The following GFM2 variants were observed in gnomAD, a reference collection of about 807,000 sequenced individuals.
The protein encoded by GFM2 is GTP dependent ribosome recycling factor mitochondrial 2, also known as ribosome-releasing factor 2, mitochondrial.
Under a neutral mutation model 95.4 loss-of-function variants are expected in GFM2, and 72 were observed. The ratio of observed to expected loss-of-function variants is 0.76; its 90% CI spans 0.62 to 0.92. The LOEUF (loss-of-function observed/expected upper bound fraction) is 0.92, where lower values mean the gene tolerates loss of function less well. Among genes scored for constraint, GFM2 ranks in the 40% least tolerant of loss-of-function variants. The pLI is 0.00. For missense variants in GFM2, 825 were observed against 924.1 expected, an observed-to-expected ratio of 0.89 and a Z score of 1.39; for synonymous variants, 276 against 317.5, an observed-to-expected ratio of 0.87 and a Z score of 1.39.
chr5:74,722,678 G>A lies in GFM2; in HGVS notation c.2029-117C>T, dbSNP rs964579316. The A allele has an allele frequency of 3.1e-5, 23 of 731,634 alleles. No individual in the cohort carries two copies. In the East Asian group the frequency reaches 4.2e-4, roughly 13 times the overall value. 45.3% of individuals were successfully genotyped at this position (731,634 alleles called of 1,614,324 possible). On this transcript the variant is annotated intron_variant, in intron 19 of 20. Coordinates refer to ENST00000296805, the MANE Select transcript of GFM2 (RefSeq NM_032380.5). ...CTTTAACTCTCTCTTTAAAGATAAC[G>A]TTTTATAAGATGGCAACAACTATAA...
intron 15 of GFM2, among the ~76,000 whole-genome samples, chr5:74,734,716 T>C (rs1742748540): frequency 6.6e-6 from 1 of 152,212 alleles, no homozygotes; most frequent in South Asian, 2.1e-4. Context: ...GATGTTAGCA[T>C]TGTAACAGGT....
intron 17 of GFM2, among the ~76,000 whole-genome samples, chr5:74,727,470 G>A (rs1345805998): frequency 3.3e-5 from 5 of 151,932 alleles, no homozygotes; most frequent in South Asian, 2.1e-4. Context: ...ACTATTTTCC[G>A]ACTCCAGCCC....
chr5:74,732,889 GAA>G (rs1451154087), intron 16 of GFM2, 131 bp downstream of exon 16: 1 of 463,748 alleles, frequency 2.2e-6, no homozygotes, highest in Non-Finnish European at 3.8e-6. Flanking sequence ...AATTTAAAAA[GAA>G]AGGTTTTTCT....
chr5:74,741,491 G>C lies in GFM2; in HGVS notation c.930+38C>G, dbSNP rs775321450. 12 of 991,232 alleles carry C rather than the reference G, an allele frequency of 1.2e-5. No homozygotes were observed. In the South Asian group the frequency reaches 1.7e-4, roughly 14 times the overall value. The allele number at this position is 991,232 out of a possible 1,614,324, so 61.4% of individuals were successfully genotyped here. A position where few individuals can be genotyped will look rare whatever the true frequency, so the allele number is the denominator to read the frequency against. On this transcript the variant is annotated intron_variant, in intron 11 of 20. Coordinates refer to ENST00000296805, the MANE Select transcript of GFM2 (RefSeq NM_032380.5). ...AGAGAAATCAAACTACATCCAATTA[G>C]TAAAATTTTGTGAAAGCCATTGAAT...
In GFM2 at chr5:74,766,991, A is replaced by C. The variant is rs1294604246; in HGVS notation, c.-78T>G. ...GCTCTCACCGCTGGGCTCTTGAAGC[A>C]GGAGGCGCGAGCCGCGCCAAAGTCT... On this transcript the variant is annotated 5_prime_UTR_variant, in exon 1 of 21. Transcript: ENST00000296805. 1 of 226,754 alleles carries C rather than the reference A, an allele frequency of 4.4e-6. No individual in the cohort carries two copies. Among genetic ancestry groups the C allele is most frequent in the Non-Finnish European group, 9.0e-6 (1 of 110,924 alleles). The allele number at this position is 226,754 out of a possible 1,614,324, so 14.0% of individuals were successfully genotyped here.
intron 1 of GFM2, among the ~76,000 whole-genome samples, chr5:74,764,810 G>C (rs1744468600): frequency 8.6e-6 from 1 of 115,910 alleles, no homozygotes; most frequent in African/African-American, 3.7e-5. Flanking sequence ...TTTTGAGACA[G>C]GGTCTTGCCC....
chr5:74,761,977 T>G (rs2112369871), intron 2 of GFM2, among the ~76,000 whole-genome samples: 1 of 152,332 alleles, frequency 6.6e-6, no homozygotes, highest in African/African-American at 2.4e-5. Flanking sequence ...TTCCACTGCA[T>G]AATGACTAGG....
chr5:74,722,789 G>A (rs1749972736), intron 19 of GFM2: 1 of 411,358 alleles, frequency 2.4e-6, no homozygotes, highest in Admixed American at 4.2e-5. Flanking sequence ...AAAAATGCCT[G>A]TGAACATGTG....
At chr5:74,747,918 T>C (rs182440817) in intron 7 of GFM2, 138 bp from the exon 8 acceptor site, 147 of 573,642 alleles carry the variant, frequency 2.6e-4, no homozygotes, top group Non-Finnish European at 5.0e-5. Context: ...ACTGCACTTA[T>C]ATTTTTAGGG....
rs368096438 is a variant in GFM2, at chr5:74,738,302, T to C, written c.1320+16A>G. 91 of 1,578,108 alleles carry C rather than the reference T, an allele frequency of 5.8e-5. No homozygotes were observed. The highest frequency in any genetic ancestry group is 7.4e-5 in the Non-Finnish European group (86 of 1,156,074). On this transcript the variant is annotated intron_variant, in intron 14 of 20. Coordinates refer to ENST00000296805, the MANE Select transcript of GFM2 (RefSeq NM_032380.5). ...TTTAAGCTGTTATTTCCTAGAGAAATCATTTGGTCACTTACATGTTTAAGC... is the reference window on the plus strand; with the variant it reads ...TTTAAGCTGTTATTTCCTAGAGAAACCATTTGGTCACTTACATGTTTAAGC...
At position 74,721,367 on chromosome 5, in the gene GFM2, C is replaced by CA; in HGVS notation, c.*287dup. 1 of 735,446 alleles carries CA rather than the reference C, an allele frequency of 1.4e-6. No homozygotes were observed. Among genetic ancestry groups the CA allele is most frequent in the Non-Finnish European group, 2.5e-6 (1 of 407,136 alleles). 45.6% of individuals were successfully genotyped at this position (735,446 alleles called of 1,614,324 possible). Reference sequence around the variant, plus strand: ...CAAGCTTAAGGACACAAAAGAAACACAACTTTGTGATACCACTCTTCTGAA... The same window carrying CA: ...CAAGCTTAAGGACACAAAAGAAACACAAACTTTGTGATACCACTCTTCTGAA... On this transcript the variant is annotated 3_prime_UTR_variant, in exon 21 of 21. Transcript: ENST00000296805.
chr5:74,733,334 A>AT (rs1742670326), intron 15 of GFM2: 92 of 345,276 alleles, frequency 2.7e-4, no homozygotes, highest in East Asian at 4.4e-4. Flanking sequence ...TTACAAAAAA[A>AT]GAAAAAAAAA....
At chr5:74,728,770 T>TTTTTTTTTTTTTTTTTTGAGA (rs756604027) in intron 17 of GFM2, among the ~76,000 whole-genome samples, 1 of 113,792 alleles carries the variant, frequency 8.8e-6, no homozygotes, top group Non-Finnish European at 1.8e-5. Flanking sequence ...TTTTTTTTTT[T>TTTTTTTTTTTTTTTTTTGAGA]TTTTGAGATG....
chr5:74,744,322 T>C (rs1289682787), intron 10 of GFM2, among the ~76,000 whole-genome samples: 2 of 152,052 alleles, frequency 1.3e-5, no homozygotes, highest in Non-Finnish European at 2.9e-5. Flanking sequence ...ATGTGGTCTG[T>C]TGTTGACTAA....
At position 74,749,452 on chromosome 5, in the gene GFM2, C is replaced by T. The variant is rs1580004256; in HGVS notation, c.519+1127G>A. On this transcript the variant is annotated intron_variant, in intron 7 of 20. Transcript: ENST00000296805. ...AATCTGTGATTTTAATTTGCATTTT[C>T]CTGAGGACTAATGAGATTATACATC... 4.6e-5 allele frequency among the ~76,000 whole-genome samples: 7 copies of T among 152,096 alleles called. No homozygotes were observed. In the South Asian group the frequency reaches 1.5e-3, roughly 32 times the overall value.
At chr5:74,736,761 G>T (rs189622516) in intron 15 of GFM2, 35 bp downstream of exon 15, 15 of 1,611,164 alleles carry the variant, frequency 9.3e-6, no homozygotes, top group Non-Finnish European at 1.2e-5. Context: ...AATTATCAGC[G>T]CACTAATTAG....
At chr5:74,731,245 G>C (rs555735442) in intron 16 of GFM2, among the ~76,000 whole-genome samples, 4 of 152,282 alleles carry the variant, frequency 2.6e-5, no homozygotes, top group Admixed American at 1.3e-4. Flanking sequence ...AATCATCCAG[G>C]GCACTTTACA....
chr5:74,745,847 C>T lies in GFM2; in HGVS notation c.680G>A (p.Gly227Asp). ...AKPLLLQLPI[G>D]EAKTFKGVVD... ...CACTCCTTTGAAAGTTTTGGCTTCA[C>T]CAATTGGTAACTGTAAGTCAGAGTG... is the stretch of plus-strand genomic sequence containing the variant. The change falls in exon 10 of 21, where the codon GGT becomes GAT. Residue 227 changes from glycine to aspartate, a missense_variant. Coordinates refer to ENST00000296805, the MANE Select transcript of GFM2 (RefSeq NM_032380.5). 4 of 1,610,886 alleles carry T rather than the reference C, an allele frequency of 2.5e-6. No homozygotes were observed. Among genetic ancestry groups the T allele is most frequent in the Non-Finnish European group, 3.4e-6 (4 of 1,179,094 alleles).
chr5:74,751,558 T>A, intron 5 of GFM2, 65 bp from the exon 6 acceptor site: 2 of 1,228,378 alleles, frequency 1.6e-6, no homozygotes, highest in Non-Finnish European at 2.4e-6. Flanking sequence ...GTGCTCAATA[T>A]CTACCTGACA....
Sources: gnomAD v4.1 joint callset for allele counts (sites outside exome capture counted in the v4.1 genomes callset) on GRCh38, gnomAD v4.1.1 for gene constraint, MANE v1.5 for transcripts, NCBI Gene and HGNC (gene_info 2026-07-23, HGNC 2026-07-21) for gene names.